COL18A1: variants seen among roughly 807,000 people sequenced by gnomAD.
COL18A1 encodes collagen alpha-1(XVIII) chain.
COL18A1 carries 133 observed loss-of-function variants against 168.0 expected under a neutral mutation model. That is an observed-to-expected ratio of 0.79 (90% CI 0.69 to 0.91). The LOEUF (loss-of-function observed/expected upper bound fraction) is 0.91, where lower values mean the gene tolerates loss of function less well. Ranked by LOEUF, COL18A1 falls within the 40% of genes least tolerant of loss-of-function variation. The pLI is 0.00. For missense variants in COL18A1, 2,126 were observed against 1,925.4 expected (o/e 1.10, Z -1.95); for synonymous variants, 949 against 809.0 (o/e 1.17, Z -2.94).
intron 2 of COL18A1, chr21:45,409,849 C>T (rs996865689): frequency 1.3e-5 from 2 of 152,258 alleles, no homozygotes; most frequent in African/African-American, 4.8e-5. Flanking sequence ...GTGCCAGATC[C>T]CGTGTCACGT....
At chr21:45,421,908 C>T (rs145795441) in intron 2 of COL18A1, among the ~76,000 whole-genome samples, 326 of 152,274 alleles carry the variant, frequency 2.1e-3, no homozygotes, top group African/African-American at 7.4e-3. Context: ...GTCATATGTG[C>T]GGCCTCTCAG....
In COL18A1 at chr21:45,468,297, G is replaced by A; in HGVS notation, c.162G>A (p.Gln54=). Residue 54 remains glutamine, a synonymous_variant, in exon 3 of 42, where the codon CAG becomes CAA. Coordinates refer to ENST00000651438, the MANE Select transcript of COL18A1 (RefSeq NM_001379500.1). ...LLQLLGDPPP[Q]QVTQTDDPDV... The stretch of plus-strand genomic sequence containing the variant: ...AGCTCCTTGGGGACCCCCCGCCCCA[G>A]CAGGTCACCCAGACGGATGACCCCG... 1.2e-6 allele frequency: 2 copies of A among 1,613,322 alleles called. No individual in the cohort carries two copies. The highest frequency in any genetic ancestry group is 1.7e-6 in the Non-Finnish European group (2 of 1,180,038).
chr21:45,455,822 G>T (rs781638267), intron 2 of COL18A1: 3 of 1,613,290 alleles, frequency 1.9e-6, no homozygotes, highest in Non-Finnish European at 2.5e-6. Context: ...CACTTCTGCC[G>T]AGAGCCCGGA....
rs1176265730 is a variant in COL18A1, at chr21:45,491,269, C to T, written c.2112C>T (p.Gly704=). 1.9e-6 allele frequency: 3 copies of T among 1,606,944 alleles called. No homozygotes were observed. The South Asian group carries it at 3.3e-5, about 18-fold the overall frequency. ...GAGTCGGGCAGCCGGGCCTCCCTGG[C>T]CCCCCCGGACCCCCGGGACCTGTGG... ...KDGVGQPGLP[G]PPGPPGPVVY... The change falls in exon 22 of 42, where the codon GGC becomes GGT. Residue 704 remains glycine (G), a synonymous_variant. Coordinates refer to ENST00000651438, the MANE Select transcript of COL18A1 (RefSeq NM_001379500.1).
chr21:45,464,872 G>A (rs370590770), intron 2 of COL18A1, among the ~76,000 whole-genome samples: 1 of 152,180 alleles, frequency 6.6e-6, no homozygotes, highest in Non-Finnish European at 1.5e-5. Flanking sequence ...CCCTTGCCAC[G>A]TAAAATTACG....
chr21:45,467,358 C>G (rs2035248296), intron 2 of COL18A1: 1 of 985,276 alleles, frequency 1.0e-6, no homozygotes, highest in Admixed American at 6.1e-5. Flanking sequence ...AGTGAGTCAC[C>G]CGGCGCTGTG....
chr21:45,433,566 T>C (rs1422841533), intron 2 of COL18A1, among the ~76,000 whole-genome samples: 4 of 152,194 alleles, frequency 2.6e-5, no homozygotes, highest in African/African-American at 9.6e-5. Flanking sequence ...TTCGCGTGGC[T>C]GTCGTGGCCC....
intron 2 of COL18A1, among the ~76,000 whole-genome samples, chr21:45,452,127 A>C (rs971397318): frequency 6.6e-6 from 1 of 152,252 alleles, no homozygotes; most frequent in Non-Finnish European, 1.5e-5. Context: ...CGCACTGCTC[A>C]TGGTGCCATC....
chr21:45,476,223 C>G (rs1166929006), intron 5 of COL18A1, 128 bp from the exon 6 acceptor site: 2 of 1,397,662 alleles, frequency 1.4e-6, no homozygotes, highest in South Asian at 1.3e-5. Context: ...CCCTGGAGCA[C>G]CCTCCTGTTT....
At chr21:45,419,179 G>A (rs534633621) in intron 2 of COL18A1, among the ~76,000 whole-genome samples, 16 of 152,250 alleles carry the variant, frequency 1.1e-4, no homozygotes, top group East Asian at 3.9e-4. Flanking sequence ...ATGTAGTGAC[G>A]TGATTCCGTG....
intron 13 of COL18A1, 25 bp downstream of exon 13, chr21:45,480,883 G>A: frequency 6.3e-7 from 1 of 1,599,882 alleles, no homozygotes; most frequent in Non-Finnish European, 8.5e-7. Flanking sequence ...CACCGTCAGT[G>A]TCGGGAGCCC....
At chr21:45,477,552 C>T in intron 7 of COL18A1, 65 bp downstream of exon 7, 1 of 1,475,646 alleles carries the variant, frequency 6.8e-7, no homozygotes, top group Non-Finnish European at 9.3e-7. Context: ...TTTTGGGCCA[C>T]TCACTGGTGA....
At chr21:45,494,423 G>A (rs1304894178) in intron 26 of COL18A1, 122 bp from the exon 27 acceptor site, 1 of 1,423,960 alleles carries the variant, frequency 7.0e-7, no homozygotes, top group Non-Finnish European at 9.8e-7. Flanking sequence ...GGCCCTTAGG[G>A]AGGCTATCAG....
Position 45,488,381 on chromosome 21 carries a change from C to T in COL18A1, c.1897-37C>T, listed in dbSNP as rs764011352. 7 of 1,613,500 alleles carry T rather than the reference C, an allele frequency of 4.3e-6. No homozygotes were observed. The South Asian group carries it at 5.5e-5, about 13-fold the overall frequency. On this transcript the variant is annotated intron_variant, in intron 17 of 41. Coordinates refer to ENST00000651438, the MANE Select transcript of COL18A1 (RefSeq NM_001379500.1). The stretch of plus-strand genomic sequence containing the variant: ...CAGACGCATCTCACAGCAGGGCCTC[C>T]AGCTGCACTAACACTGTGTCTCCTC...
intron 2 of COL18A1, among the ~76,000 whole-genome samples, chr21:45,459,429 G>A (rs988836196): frequency 2.0e-5 from 3 of 152,194 alleles, no homozygotes; most frequent in Admixed American, 6.5e-5. Flanking sequence ...CAGGGATCAG[G>A]GAGTATGTGC....
In COL18A1 at chr21:45,473,469, C is replaced by T. The variant is rs575353150; in HGVS notation, c.652-426C>T. Among the ~76,000 whole-genome samples, 49 of 152,272 alleles carry T rather than the reference C, an allele frequency of 3.2e-4. 1 individual carries two copies. Among genetic ancestry groups the T allele is most frequent in the East Asian group, 9.7e-4 (5 of 5,166 alleles). On this transcript the variant is annotated intron_variant, in intron 3 of 41. Coordinates refer to ENST00000651438, the MANE Select transcript of COL18A1 (RefSeq NM_001379500.1). The surrounding 1 kb of genome is among the most constrained non-coding windows in gnomAD (Gnocchi z 4.0). The stretch of plus-strand genomic sequence containing the variant: ...AGCCATGGTGCCACCTCGGTTGGTC[C>T]GAGTCGGGAGATGAGGCCGCCTGGT...
intron 37 of COL18A1, chr21:45,506,245 A>C: frequency 4.4e-6 from 2 of 457,336 alleles, no homozygotes; most frequent in Non-Finnish European, 8.1e-6. Flanking sequence ...ACAAAGATAA[A>C]TGTCACCTCA....
chr21:45,416,709 GCA>G (rs1208630502), intron 2 of COL18A1, among the ~76,000 whole-genome samples: 3 of 152,158 alleles, frequency 2.0e-5, no homozygotes, highest in African/African-American at 4.8e-5. Flanking sequence ...ATGCTGACTA[GCA>G]CACAGTTTCT....
chr21:45,451,143 GC>G (rs2034613187), intron 2 of COL18A1, among the ~76,000 whole-genome samples: 1 of 152,226 alleles, frequency 6.6e-6, no homozygotes. Flanking sequence ...AACAAGAGTG[GC>G]TGCGTGCGGG....
Sources: gnomAD v4.1 joint callset for allele counts (sites outside exome capture counted in the v4.1 genomes callset) on GRCh38, gnomAD v4.1.1 for gene constraint, Gnocchi (gnomAD v3.1) non-coding constraint, MANE v1.5 for transcripts, NCBI Gene and HGNC (gene_info 2026-07-23, HGNC 2026-07-21) for gene names.